The following STT3A variants were observed in gnomAD, a reference collection of about 807,000 sequenced individuals.
The protein encoded by STT3A is STT3 oligosaccharyltransferase complex catalytic subunit A.
Under a neutral mutation model 89.2 loss-of-function variants are expected in STT3A, and 34 were observed. The observed-to-expected ratio is 0.38, with a 90% CI of 0.29 to 0.51. The LOEUF (loss-of-function observed/expected upper bound fraction) is 0.51. STT3A is among the 20% of genes least tolerant of loss of function. The pLI is 0.89. For synonymous variants in STT3A, 282 were observed against 310.3 expected, an observed-to-expected ratio of 0.91 and a Z score of 0.96; for missense variants, 555 against 889.5, an observed-to-expected ratio of 0.62 and a Z score of 4.78.
chr11:125,597,542 T>A (rs1680485013), intron 3 of STT3A, among the ~76,000 whole-genome samples: 2 of 152,216 alleles, frequency 1.3e-5, no homozygotes, highest in African/African-American at 4.8e-5. Context: ...CTAAGAGAAT[T>A]CTGGCTGCCC....
At chr11:125,605,782 G>C (rs760526042) in intron 7 of STT3A, 47 bp downstream of exon 7, 2 of 1,506,650 alleles carry the variant, frequency 1.3e-6, no homozygotes, top group Non-Finnish European at 1.8e-6. Flanking sequence ...TCTAAATACT[G>C]TATTTCCTAT....
At chr11:125,611,289 T>C in intron 10 of STT3A, 139 bp from the exon 11 acceptor site, 1 of 671,104 alleles carries the variant, frequency 1.5e-6, no homozygotes, top group Non-Finnish European at 2.5e-6. Context: ...TCTATGATTG[T>C]TTTTTTAGGA....
At chr11:125,597,498 A>G (rs909609205) in intron 3 of STT3A, among the ~76,000 whole-genome samples, 5 of 152,018 alleles carry the variant, frequency 3.3e-5, no homozygotes, top group African/African-American at 9.7e-5. Flanking sequence ...AGGCATTGCT[A>G]GTATGTCTGC....
intron 2 of STT3A, among the ~76,000 whole-genome samples, chr11:125,596,418 T>C (rs1349178742): frequency 2.6e-5 from 4 of 152,148 alleles, no homozygotes. Flanking sequence ...TAAGCCGAGA[T>C]TGCACCACTG....
At chr11:125,596,960 G>A (rs1184836401) in intron 2 of STT3A, 99 bp from the exon 3 acceptor site, 26 of 1,256,404 alleles carry the variant, frequency 2.1e-5, no homozygotes, top group Non-Finnish European at 2.9e-5. Context: ...TATTTTCTGT[G>A]ACCTCTCTAC....
chr11:125,608,439 T>C, intron 9 of STT3A, 150 bp downstream of exon 9: 1 of 771,412 alleles, frequency 1.3e-6, no homozygotes, highest in Non-Finnish European at 1.9e-6. Context: ...CTCAGCCTCC[T>C]GAGTAGCTGG....
At chr11:125,603,794 G>C (rs1243941844) in intron 5 of STT3A, among the ~76,000 whole-genome samples, 6 of 152,146 alleles carry the variant, frequency 3.9e-5, no homozygotes, top group African/African-American at 1.4e-4. Context: ...GCTTTTAGAG[G>C]TGTGACTGGT....
chr11:125,618,744 A>ATTTTTTTTTTTTTTTTTT (rs1565353087), intron 16 of STT3A, among the ~76,000 whole-genome samples, 183 bp downstream of exon 16: 4 of 151,580 alleles, frequency 2.6e-5, no homozygotes, highest in African/African-American at 7.3e-5. Context: ...TTGTTTGCAT[A>ATTTTTTTTTTTTTTTTTT]TTTTTTTGAG....
Position 125,621,086 on chromosome 11 carries a change from A to G in STT3A, c.*276A>G. On this transcript the variant is annotated 3_prime_UTR_variant, in exon 18 of 18. Coordinates refer to ENST00000392708, the MANE Select transcript of STT3A (RefSeq NM_152713.5). Reference sequence around the variant, plus strand: ...AAATGTGCCTTATTTGTTTTGACTTATAACTGATTTGAGGGAGGCAAAAGC... The same window carrying G: ...AAATGTGCCTTATTTGTTTTGACTTGTAACTGATTTGAGGGAGGCAAAAGC... 6.2e-6 allele frequency: 2 copies of G among 322,288 alleles called. No homozygotes were observed. The highest frequency in any genetic ancestry group is 1.1e-5 in the Non-Finnish European group (2 of 176,322). 20.0% of individuals were successfully genotyped at this position (322,288 alleles called of 1,614,324 possible).
At position 125,614,234 on chromosome 11, in the gene STT3A, G is replaced by C; in HGVS notation, c.1671+31G>C. ...ATAAAGGGATGATCTTTGAGTGTTT[G>C]GTGTACAAGGTCTAATGGGAAATGT... is the stretch of plus-strand genomic sequence containing the variant. On this transcript the variant is annotated intron_variant, in intron 14 of 17. Coordinates refer to ENST00000392708, the MANE Select transcript of STT3A (RefSeq NM_152713.5). This position sits in a 1 kb window ranked among gnomAD's most constrained non-coding sequence, Gnocchi z 4.9. 4 of 1,612,072 alleles carry C rather than the reference G, an allele frequency of 2.5e-6. No individual in the cohort carries two copies. The highest frequency in any genetic ancestry group is 2.5e-6 in the Non-Finnish European group (3 of 1,178,220).
Position 125,623,086 on chromosome 11 carries a change from A to G in STT3A, c.*2276A>G, listed in dbSNP as rs1940394847. 6.4e-6 allele frequency: 1 copy of G among 157,230 alleles called. No individual in the cohort carries two copies. Among genetic ancestry groups the G allele is most frequent in the African/African-American group, 2.4e-5 (1 of 41,380 alleles). The allele number at this position is 157,230 out of a possible 1,614,324, so 9.7% of individuals were successfully genotyped here. On this transcript the variant is annotated 3_prime_UTR_variant, in exon 18 of 18. Transcript: ENST00000392708. Reference sequence around the variant, plus strand: ...ACTGTCTCAAAAAAAAAAAAAAAAAAAAAAAAGAGTGGGACCCAAAAAAGC... The same window carrying G: ...ACTGTCTCAAAAAAAAAAAAAAAAAGAAAAAAGAGTGGGACCCAAAAAAGC...
Position 125,609,540 on chromosome 11 carries a change from C to T in STT3A, c.1068C>T (p.Thr356=). The part of the protein sequence containing the change: ...IASVSEHQPT[T]WSSYYFDLQL... Reference sequence around the variant, plus strand: ...CTGTGTCTGAGCATCAGCCCACAACCTGGTCCTCATACTATTTTGACCTGC... The same window carrying T: ...CTGTGTCTGAGCATCAGCCCACAACTTGGTCCTCATACTATTTTGACCTGC... Residue 356 remains threonine (T), a synonymous_variant, in exon 10 of 18, where the codon ACC becomes ACT. Transcript: ENST00000392708. 1 of 1,614,200 alleles carries T rather than the reference C, an allele frequency of 6.2e-7. No homozygotes were observed. The highest frequency in any genetic ancestry group is 8.5e-7 in the Non-Finnish European group (1 of 1,180,042).
intron 1 of STT3A, among the ~76,000 whole-genome samples, chr11:125,595,238 C>A (rs1205626442): frequency 1.3e-5 from 2 of 150,042 alleles, no homozygotes; most frequent in Non-Finnish European, 2.9e-5. Flanking sequence ...GTGGTGTGAT[C>A]CTAGCTCACT....
intron 7 of STT3A, 88 bp downstream of exon 7, chr11:125,605,823 C>A: frequency 8.7e-7 from 1 of 1,154,530 alleles, no homozygotes; most frequent in Non-Finnish European, 1.2e-6. Context: ...ACTTTCTTTT[C>A]TGGTAGGTTC....
intron 4 of STT3A, 130 bp from the exon 5 acceptor site, chr11:125,602,673 T>A (rs558441992): frequency 7.8e-7 from 1 of 1,280,164 alleles, no homozygotes; most frequent in East Asian, 2.4e-5. Context: ...CTTACTGCAG[T>A]TGCTATGTTA....
At position 125,596,010 on chromosome 11, in the gene STT3A, G is replaced by A; in HGVS notation, c.88+7G>A. 6.3e-7 allele frequency: 1 copy of A among 1,599,056 alleles called. No individual in the cohort carries two copies. The highest frequency in any genetic ancestry group is 8.5e-7 in the Non-Finnish European group (1 of 1,169,854). ...TCAATGGCTGCTGTATTATGTGAGT[G>A]TGCATGTGAACCTCTCTTTCTTTGG... On this transcript the variant is annotated splice_region_variant and intron_variant, in intron 2 of 17. Transcript: ENST00000392708.
intron 3 of STT3A, among the ~76,000 whole-genome samples, chr11:125,598,248 T>C (rs932775692): frequency 1.3e-5 from 2 of 151,836 alleles, no homozygotes; most frequent in African/African-American, 4.8e-5. Context: ...ATGAGGAGAC[T>C]CAGGCTGGGA....
At chr11:125,597,954 C>T (rs1939544208) in intron 3 of STT3A, among the ~76,000 whole-genome samples, 1 of 152,190 alleles carries the variant, frequency 6.6e-6, no homozygotes, top group Admixed American at 6.5e-5. Context: ...TGGCTCACGC[C>T]TGTAATCCCA....
rs1265557601 is a variant in STT3A at position 125,611,413 on chromosome 11, T to G, written c.1118-15T>G. 2 of 1,610,124 alleles carry G rather than the reference T, an allele frequency of 1.2e-6. No homozygotes were observed. The highest frequency in any genetic ancestry group is 2.7e-5 in the African/African-American group (2 of 74,862). On this transcript the variant is annotated splice_polypyrimidine_tract_variant and intron_variant, in intron 10 of 17. Coordinates refer to ENST00000392708, the MANE Select transcript of STT3A (RefSeq NM_152713.5). The stretch of plus-strand genomic sequence containing the variant: ...ACAGGACTCAGCTGCTTATTTCTCC[T>G]TCCCTCTTTTGTAGTTGGCCTCTAT...
Sources: gnomAD v4.1 joint callset for allele counts (sites outside exome capture counted in the v4.1 genomes callset) on GRCh38, gnomAD v4.1.1 for gene constraint, Gnocchi (gnomAD v3.1) non-coding constraint, MANE v1.5 for transcripts, NCBI Gene and HGNC (gene_info 2026-07-23, HGNC 2026-07-21) for gene names.